The following GNAL variants were observed in gnomAD, a reference collection of about 807,000 sequenced individuals.
GNAL encodes G protein subunit alpha L, also known as guanine nucleotide-binding protein G(olf) subunit alpha.
GNAL carries 18 observed loss-of-function variants against 55.1 expected under a neutral mutation model. That is an observed-to-expected ratio of 0.33 (90% CI 0.23 to 0.48). GNAL has a LOEUF of 0.48. GNAL is among the 20% of genes least tolerant of loss of function. GNAL has a pLI of 0.99. For missense variants in GNAL, 412 were observed against 614.1 expected, an observed-to-expected ratio of 0.67 and a Z score of 3.48; for synonymous variants, 253 against 237.0, an observed-to-expected ratio of 1.07 and a Z score of -0.62.
chr18:11,840,352 A>G (rs773508349), intron 5 of GNAL, among the ~76,000 whole-genome samples: 4 of 152,244 alleles, frequency 2.6e-5, no homozygotes, highest in Non-Finnish European at 5.9e-5. Flanking sequence ...GCCAGGATAC[A>G]TGCAGTGACT....
At chr18:11,760,500 G>C (rs1325270388) in intron 4 of GNAL, among the ~76,000 whole-genome samples, 1 of 152,096 alleles carries the variant, frequency 6.6e-6, no homozygotes, top group Non-Finnish European at 1.5e-5. Flanking sequence ...GTCTGGCATG[G>C]AAGGAAAAAG....
rs1325313326 is a variant in GNAL at position 11,826,286 on chromosome 18, G to A, written c.722+1271G>A. On this transcript the variant is annotated intron_variant, in intron 5 of 11. Transcript: ENST00000334049. ...GGGAAGGAAGAGGAGGAGGAGGAGC[G>A]GGGAGGGGGAAGGAAGAGGAGGAGG... Among the ~76,000 whole-genome samples, 2 of 18,404 alleles carry A rather than the reference G, an allele frequency of 1.1e-4. 1 individual carries two copies. The highest frequency in any genetic ancestry group is 1.8e-4 in the African/African-American group (2 of 11,216). The allele number at this position is 18,404 out of a possible 152,430, so 12.1% of individuals were successfully genotyped here.
At chr18:11,745,994 G>A (rs984692128) in intron 1 of GNAL, 2 of 282,522 alleles carry the variant, frequency 7.1e-6, no homozygotes, top group Non-Finnish European at 1.4e-5. Context: ...AGTGTTCTTG[G>A]GCAGAGATAC....
intron 11 of GNAL, among the ~76,000 whole-genome samples, chr18:11,878,134 A>G (rs1304993322): frequency 3.9e-5 from 6 of 152,220 alleles, no homozygotes; most frequent in African/African-American, 7.2e-5. Flanking sequence ...AAGCATGCAT[A>G]TGTTGGGCAT....
At chr18:11,796,294 T>C (rs2034377137) in intron 4 of GNAL, among the ~76,000 whole-genome samples, 1 of 152,068 alleles carries the variant, frequency 6.6e-6, no homozygotes, top group African/African-American at 2.4e-5. Flanking sequence ...ACCTTTCCAC[T>C]GGGCCGGGCG....
At chr18:11,814,389 A>G (rs776297487) in intron 4 of GNAL, among the ~76,000 whole-genome samples, 15 of 151,900 alleles carry the variant, frequency 9.9e-5, no homozygotes, top group Non-Finnish European at 1.8e-4. Context: ...TTAGCCAGGC[A>G]TTGTGGCAGG....
intron 4 of GNAL, among the ~76,000 whole-genome samples, chr18:11,798,651 A>G (rs1232238104): frequency 6.6e-6 from 1 of 152,150 alleles, no homozygotes; most frequent in Non-Finnish European, 1.5e-5. Context: ...GCTTGCTGAC[A>G]TTTGTCATGT....
intron 5 of GNAL, among the ~76,000 whole-genome samples, chr18:11,842,125 A>G (rs559366487): frequency 1.2e-4 from 18 of 152,034 alleles, no homozygotes; most frequent in Non-Finnish European, 1.0e-4. Flanking sequence ...GGCATGTGCT[A>G]TCATGCCCAG....
At chr18:11,695,921 T>C (rs6505670) in intron 1 of GNAL, among the ~76,000 whole-genome samples, 49,227 of 146,560 alleles carry the variant, frequency 0.34, 10,581 homozygotes, top group African/African-American at 0.65. Flanking sequence ...CATGCACGCA[T>C]GCACACACAC....
chr18:11,860,090 C>T (rs991096714), intron 5 of GNAL, among the ~76,000 whole-genome samples: 3 of 152,204 alleles, frequency 2.0e-5, no homozygotes, highest in African/African-American at 7.2e-5. Flanking sequence ...CAGTCACAGA[C>T]ACCACTCCCA....
intron 5 of GNAL, among the ~76,000 whole-genome samples, chr18:11,840,532 C>T (rs1052420034): frequency 2.6e-5 from 4 of 152,214 alleles, no homozygotes; most frequent in African/African-American, 9.6e-5. Context: ...TCCAGCTCTT[C>T]CTTTGAAACA....
chr18:11,694,410 C>A (rs569521180), intron 1 of GNAL, among the ~76,000 whole-genome samples: 2 of 152,334 alleles, frequency 1.3e-5, no homozygotes, highest in Admixed American at 6.5e-5. Flanking sequence ...CCCACACAAT[C>A]CTCTGGCAAC....
intron 1 of GNAL, among the ~76,000 whole-genome samples, chr18:11,733,608 A>G (rs2143450840): frequency 6.6e-6 from 1 of 152,352 alleles, no homozygotes; most frequent in Non-Finnish European, 1.5e-5. Context: ...CTGTAAAAAG[A>G]GTAAAATCAT....
chr18:11,852,131 G>T (rs2035887943), intron 5 of GNAL: 2 of 1,561,442 alleles, frequency 1.3e-6, no homozygotes, highest in Non-Finnish European at 1.7e-6. Flanking sequence ...CCGCTCTGAG[G>T]TTTCCTGGCC....
chr18:11,739,407 G>C (rs1034927343), intron 1 of GNAL, among the ~76,000 whole-genome samples: 4 of 152,164 alleles, frequency 2.6e-5, no homozygotes, highest in Non-Finnish European at 4.4e-5. Context: ...GGACGTCCGT[G>C]TGTGTTTCTA....
intron 1 of GNAL, among the ~76,000 whole-genome samples, chr18:11,736,936 A>G (rs1243415825): frequency 1.3e-5 from 2 of 152,256 alleles, no homozygotes; most frequent in Non-Finnish European, 2.9e-5. Flanking sequence ...TCAGGGGAAA[A>G]AAATGTGTAA....
In GNAL at chr18:11,752,465, C is replaced by A; in HGVS notation, c.377-388C>A. On this transcript the variant is annotated intron_variant, in intron 1 of 11. Coordinates refer to ENST00000334049, the MANE Select transcript of GNAL (RefSeq NM_182978.4). This position sits in a 1 kb window ranked among gnomAD's most constrained non-coding sequence, Gnocchi z 4.5. ...TGTTTGGGCGGCAACAGCAAGACGACGGAAGACCAGGGCGTCGATGAAAAA... is the reference window on the plus strand; with the variant it reads ...TGTTTGGGCGGCAACAGCAAGACGAAGGAAGACCAGGGCGTCGATGAAAAA... 6.2e-7 allele frequency: 1 copy of A among 1,611,354 alleles called. No individual in the cohort carries two copies. The highest frequency in any genetic ancestry group is 2.3e-5 in the East Asian group (1 of 44,396).
rs890228437 is a variant in GNAL, at chr18:11,689,812, C to A, written c.249C>A (p.Ala83=). The change falls in exon 1 of 12, where the codon GCC becomes GCA. Residue 83 remains alanine, a synonymous_variant. Coordinates refer to ENST00000334049, the MANE Select transcript of GNAL (RefSeq NM_182978.4). The part of the protein sequence containing the change: ...EKRQRTEQLS[A]EEREAAKERE... ...GGCAGCGCACCGAGCAGCTGAGTGC[C>A]GAGGAGCGCGAGGCGGCCAAGGAGC... is the stretch of plus-strand genomic sequence containing the variant. 4 of 1,537,064 alleles carry A rather than the reference C, an allele frequency of 2.6e-6. No homozygotes were observed. Among genetic ancestry groups the A allele is most frequent in the African/African-American group, 2.8e-5 (2 of 70,518 alleles).
chr18:11,768,264 C>T (rs2033474949), intron 4 of GNAL, among the ~76,000 whole-genome samples: 1 of 152,256 alleles, frequency 6.6e-6, no homozygotes, highest in South Asian at 2.1e-4. Flanking sequence ...GACCTCTGGC[C>T]TCAAAAGCCT....
Sources: allele counts gnomAD v4.1 joint callset (sites outside exome capture counted in the v4.1 genomes callset), GRCh38; gene constraint gnomAD v4.1.1; non-coding constraint Gnocchi (gnomAD v3.1); transcripts MANE v1.5; gene names NCBI Gene and HGNC (gene_info 2026-07-23, HGNC 2026-07-21).